MLIP: variants seen among roughly 807,000 people sequenced by gnomAD.
MLIP encodes muscular LMNA interacting protein.
A neutral mutation model predicts 84.8 loss-of-function variants in MLIP; 79 were observed. The observed-to-expected ratio is 0.93, with a 90% confidence interval of 0.78 to 1.12. The LOEUF is 1.12. Among genes scored for constraint, MLIP ranks in the 50% most tolerant of loss-of-function variants. The pLI is 0.00. For missense variants in MLIP, 1,257 were observed against 1,160.6 expected, an observed-to-expected ratio of 1.08 and a Z score of -1.21; for synonymous variants, 504 against 463.0, an observed-to-expected ratio of 1.09 and a Z score of -1.14.
intron 1 of MLIP, among the ~76,000 whole-genome samples, chr6:54,100,810 C>T (rs2150388691): frequency 6.6e-6 from 1 of 152,184 alleles, no homozygotes; most frequent in South Asian, 2.1e-4. Flanking sequence ...TGGATGATTG[C>T]ATGTGTTGGG....
At chr6:54,246,435 A>G (rs1414830435) in intron 12 of MLIP, among the ~76,000 whole-genome samples, 2 of 152,128 alleles carry the variant, frequency 1.3e-5, no homozygotes, top group Non-Finnish European at 2.9e-5. Flanking sequence ...TTTTTAAGAT[A>G]ATAAAATTAC....
At chr6:54,245,526 G>A (rs1286635732) in intron 12 of MLIP, among the ~76,000 whole-genome samples, 1 of 152,176 alleles carries the variant, frequency 6.6e-6, no homozygotes, top group Non-Finnish European at 1.5e-5. Context: ...GAAGGAGGCA[G>A]CTATGAGCCA....
chr6:54,037,127 T>C (rs1764490791), intron 1 of MLIP, among the ~76,000 whole-genome samples: 1 of 152,024 alleles, frequency 6.6e-6, no homozygotes, highest in Admixed American at 6.6e-5. Flanking sequence ...ACCATTTGTA[T>C]TGCTTTTTTA....
At chr6:54,190,941 G>T (rs905433875) in intron 10 of MLIP, among the ~76,000 whole-genome samples, 2 of 151,512 alleles carry the variant, frequency 1.3e-5, no homozygotes, top group Admixed American at 1.3e-4. Flanking sequence ...GACTACAGGC[G>T]CCCGCCACCG....
intron 1 of MLIP, chr6:54,046,651 A>C (rs1340893102): frequency 1.3e-5 from 2 of 152,196 alleles, no homozygotes; most frequent in African/African-American, 4.8e-5. Context: ...AAATTGTCAG[A>C]ATTAACATTC....
Position 54,137,321 on chromosome 6 carries a change from A to G in MLIP, c.1252A>G (p.Thr418Ala). The change falls in exon 4 of 14, where the codon ACT becomes GCT. Residue 418 changes from threonine (T) to alanine (A), a missense_variant. Thr to Ala is a moderately conservative substitution (Grantham distance 58, BLOSUM62 0). Transcript: ENST00000502396. ...GGTGCCTTCCCGGCTTGCCCTTCTCACTGCCATTCTCAAGTCAAACCCTTC... is the reference window on the plus strand; with the variant it reads ...GGTGCCTTCCCGGCTTGCCCTTCTCGCTGCCATTCTCAAGTCAAACCCTTC... ...SPVPSRLALLTAILKSNPSHQ... is the reference protein window; with the variant it reads ...SPVPSRLALLAAILKSNPSHQ... 1 of 1,535,676 alleles carries G rather than the reference A, an allele frequency of 6.5e-7. No individual in the cohort carries two copies. Among genetic ancestry groups the G allele is most frequent in the African/African-American group, 1.4e-5 (1 of 72,962 alleles).
At chr6:54,068,086 T>TCCTTCCTTCCTTCCTC (rs1766303685) in intron 1 of MLIP, among the ~76,000 whole-genome samples, 1 of 78,376 alleles carries the variant, frequency 1.3e-5, no homozygotes, top group Admixed American at 1.2e-4. Context: ...CTTCCTTCCT[T>TCCTTCCTTCCTTCCTC]CTTTTTCTCT....
intron 5 of MLIP, among the ~76,000 whole-genome samples, 183 bp downstream of exon 5, chr6:54,149,310 G>T (rs1054687018): frequency 6.6e-6 from 1 of 152,124 alleles, no homozygotes; most frequent in African/African-American, 2.4e-5. Context: ...GATATTATTG[G>T]TTTATTGCTA....
At chr6:54,251,172 G>C (rs1485917297) in intron 12 of MLIP, among the ~76,000 whole-genome samples, 1 of 151,738 alleles carries the variant, frequency 6.6e-6, no homozygotes, top group Non-Finnish European at 1.5e-5. Context: ...AGTTGGAATA[G>C]ATAAATATTT....
At position 54,231,015 on chromosome 6, in the gene MLIP, A is replaced by C; in HGVS notation, c.2922+98A>C. On this transcript the variant is annotated intron_variant, in intron 12 of 13. Coordinates refer to ENST00000502396, the MANE Select transcript of MLIP (RefSeq NM_001281747.2). ...AATGTGGAGGAAACATGTGTTAGGA[A>C]TATTTAAATATTAAATATCTAAATG... The C allele has an allele frequency of 1.0e-5, 9 of 882,068 alleles. No individual in the cohort carries two copies. The South Asian group carries it at 1.7e-4, about 16-fold the overall frequency. The allele number at this position is 882,068 out of a possible 1,614,324, so 54.6% of individuals were successfully genotyped here.
At chr6:54,153,881 T>TAAAAAAAAAAAAAA (rs1773736125) in intron 5 of MLIP, among the ~76,000 whole-genome samples, 1 of 151,700 alleles carries the variant, frequency 6.6e-6, no homozygotes, top group Admixed American at 6.6e-5. Context: ...CTTTATGTCT[T>TAAAAAAAAAAAAAA]AAAAATTTAA....
At chr6:54,156,864 A>G (rs1201811180) in intron 5 of MLIP, among the ~76,000 whole-genome samples, 1 of 152,086 alleles carries the variant, frequency 6.6e-6, no homozygotes, top group Non-Finnish European at 1.5e-5. Context: ...ATAGTTTAAA[A>G]AGTAATTATG....
chr6:54,120,231 C>A (rs1172365649), intron 1 of MLIP, among the ~76,000 whole-genome samples: 1 of 133,626 alleles, frequency 7.5e-6, no homozygotes, highest in Admixed American at 7.7e-5. Context: ...CTTGCGACTT[C>A]TTTTTTTTAT....
chr6:54,220,154 G>C (rs944280049), intron 11 of MLIP, among the ~76,000 whole-genome samples: 3 of 152,036 alleles, frequency 2.0e-5, no homozygotes, highest in Non-Finnish European at 2.9e-5. Context: ...TTTTTGAAAT[G>C]ATTAAAACAA....
chr6:54,104,536 G>T (rs1768875941), intron 1 of MLIP, among the ~76,000 whole-genome samples: 1 of 152,128 alleles, frequency 6.6e-6, no homozygotes, highest in Admixed American at 6.6e-5. Flanking sequence ...TGAATATGTT[G>T]CTTGTGCAAC....
intron 9 of MLIP, among the ~76,000 whole-genome samples, chr6:54,176,314 A>G (rs1233441997): frequency 6.6e-6 from 1 of 150,678 alleles, no homozygotes; most frequent in Non-Finnish European, 1.5e-5. Context: ...TAGAATTGGT[A>G]TTAATTCTTC....
chr6:54,088,119 A>G (rs1466218141), intron 1 of MLIP, among the ~76,000 whole-genome samples: 1 of 152,172 alleles, frequency 6.6e-6, no homozygotes, highest in Admixed American at 6.6e-5. Context: ...CATTTAGTTT[A>G]TGCAAGGTGG....
intron 11 of MLIP, among the ~76,000 whole-genome samples, chr6:54,206,155 C>A (rs2754810): frequency 0.91 from 138,241 of 152,160 alleles, 64,216 homozygotes; most frequent in East Asian, 1. Flanking sequence ...AAATATATTG[C>A]TTGTTTTCTG....
chr6:54,187,194 C>G (rs1372449719), intron 9 of MLIP, among the ~76,000 whole-genome samples: 1 of 152,070 alleles, frequency 6.6e-6, no homozygotes, highest in African/African-American at 2.4e-5. Context: ...GGTAACTGGT[C>G]CAGAACCTGT....
Sources: allele counts gnomAD v4.1 joint callset (sites outside exome capture counted in the v4.1 genomes callset), GRCh38; gene constraint gnomAD v4.1.1; transcripts MANE v1.5; gene names NCBI Gene and HGNC (gene_info 2026-07-23, HGNC 2026-07-21).